NCOA1: variants seen among roughly 807,000 people sequenced by gnomAD.
NCOA1 encodes nuclear receptor coactivator 1.
In NCOA1, 35 loss-of-function variants were observed where a neutral mutation model predicts 150.9. That is an observed-to-expected ratio of 0.23 (90% CI 0.18 to 0.31). The LOEUF (loss-of-function observed/expected upper bound fraction) is 0.31. NCOA1 is among the 10% of genes least tolerant of loss of function. The pLI is 1.00. For missense variants in NCOA1, 1,491 were observed against 1,749.3 expected, an observed-to-expected ratio of 0.85 and a Z score of 2.63; for synonymous variants, 590 against 630.0, an observed-to-expected ratio of 0.94 and a Z score of 0.95.
Position 24,683,088 on chromosome 2 carries a change from T to C in NCOA1, c.492T>C (p.Asp164=). 1.3e-6 allele frequency: 2 copies of C among 1,579,404 alleles called. No homozygotes were observed. Among genetic ancestry groups the C allele is most frequent in the South Asian group, 1.2e-5 (1 of 83,456 alleles). The change falls in exon 8 of 23, where the codon GAT becomes GAC. Residue 164 remains aspartate, a synonymous_variant. Coordinates refer to ENST00000348332, the MANE Select transcript of NCOA1 (RefSeq NM_003743.5). ...TCTACAGCATACTGCACGTGGGGGA[T>C]CATGCAGAATTTGTGAAGAATCTGC... ...TSVYSILHVG[D]HAEFVKNLLP...
chr2:24,551,473 T>A (rs1220390342), intron 1 of NCOA1, among the ~76,000 whole-genome samples: 1 of 151,546 alleles, frequency 6.6e-6, no homozygotes, highest in African/African-American at 2.4e-5. Flanking sequence ...TAAAGTGTTA[T>A]TTTTTTTTCT....
In NCOA1 at chr2:24,549,342, C is replaced by T. The variant is rs546156836; in HGVS notation, c.-395-14953C>T. Among the ~76,000 whole-genome samples, 3 of 152,244 alleles carry T rather than the reference C, an allele frequency of 2.0e-5. No homozygotes were observed. In the South Asian group the frequency reaches 6.2e-4, roughly 32 times the overall value. On this transcript the variant is annotated intron_variant, in intron 1 of 22. Transcript: ENST00000348332. ...TATAGCAGAGGGACCCTGGGCCTGG[C>T]CCGCAAAACCATTTTTTCCTCCTAA...
At position 24,552,353 on chromosome 2, in the gene NCOA1, A is replaced by AT. The variant is rs869212842; in HGVS notation, c.-395-11911dup. ...TATATATATATATATATATATATAT[A>AT]TTTTTTTTTTTTTTTTTTTTTTTTT... On this transcript the variant is annotated intron_variant, in intron 1 of 22. Transcript: ENST00000348332. Among the ~76,000 whole-genome samples, 4 of 38,350 alleles carry AT rather than the reference A, an allele frequency of 1.0e-4. 1 individual carries two copies. Among genetic ancestry groups the AT allele is most frequent in the African/African-American group, 2.6e-4 (2 of 7,798 alleles). The allele number at this position is 38,350 out of a possible 152,430, so 25.2% of individuals were successfully genotyped here. A position where few individuals can be genotyped will look rare whatever the true frequency, so the allele number is the denominator to read the frequency against.
intron 1 of NCOA1, among the ~76,000 whole-genome samples, chr2:24,526,961 A>C (rs1011737575): frequency 6.6e-6 from 1 of 152,210 alleles, no homozygotes; most frequent in African/African-American, 2.4e-5. Flanking sequence ...TCTTGAGGTT[A>C]TTTCAAGTAT....
rs951636531 is a variant in NCOA1 at position 24,735,588 on chromosome 2, T to C, written c.3202-3844T>C. On this transcript the variant is annotated intron_variant, in intron 17 of 22. Coordinates refer to ENST00000348332, the MANE Select transcript of NCOA1 (RefSeq NM_003743.5). ...TGAGTATATCTCACTGGCTGGTATA[T>C]ACTTTTTACTCCTTGTGTAAAGGAG... Among the ~76,000 whole-genome samples the C allele has an allele frequency of 3.3e-5, 5 of 152,116 alleles. No homozygotes were observed. In the East Asian group the frequency reaches 5.8e-4, roughly 18 times the overall value.
At chr2:24,596,353 A>T (rs976412790) in intron 3 of NCOA1, among the ~76,000 whole-genome samples, 1 of 152,202 alleles carries the variant, frequency 6.6e-6, no homozygotes, top group Non-Finnish European at 1.5e-5. Context: ...TTTTCTGATT[A>T]CTTAACCTGA....
intron 1 of NCOA1, among the ~76,000 whole-genome samples, chr2:24,530,983 G>A (rs1426311289): frequency 6.6e-6 from 1 of 152,198 alleles, no homozygotes; most frequent in East Asian, 1.9e-4. Flanking sequence ...TAAAGTGCAA[G>A]ATTACCTAGA....
At chr2:24,685,757 G>A (rs1672369681) in intron 8 of NCOA1, among the ~76,000 whole-genome samples, 1 of 152,072 alleles carries the variant, frequency 6.6e-6, no homozygotes, top group African/African-American at 2.4e-5. Flanking sequence ...TGTTTTAGCT[G>A]TTATTATTCC....
At chr2:24,613,820 T>C (rs1223821721) in intron 3 of NCOA1, among the ~76,000 whole-genome samples, 1 of 152,076 alleles carries the variant, frequency 6.6e-6, no homozygotes, top group Non-Finnish European at 1.5e-5. Context: ...GGTGAATGGG[T>C]GCTCCAGTTA....
intron 18 of NCOA1, among the ~76,000 whole-genome samples, chr2:24,740,282 A>T (rs752159307): frequency 6.6e-6 from 1 of 152,176 alleles, no homozygotes; most frequent in Non-Finnish European, 1.5e-5. Context: ...AAAGACAGGG[A>T]TATGTTCTGA....
intron 22 of NCOA1, among the ~76,000 whole-genome samples, chr2:24,766,793 C>T (rs975627978): frequency 6.6e-6 from 1 of 152,030 alleles, no homozygotes; most frequent in African/African-American, 2.4e-5. Context: ...TGAGACGTTA[C>T]AGACCACAAA....
chr2:24,501,618 T>G (rs1304418064), intron 1 of NCOA1, among the ~76,000 whole-genome samples: 2 of 152,232 alleles, frequency 1.3e-5, no homozygotes, highest in East Asian at 3.8e-4. Context: ...TGGCTTCCTA[T>G]TCATAAACTT....
chr2:24,673,966 AT>A (rs1279628421), intron 7 of NCOA1, among the ~76,000 whole-genome samples: 1 of 152,206 alleles, frequency 6.6e-6, no homozygotes, highest in African/African-American at 2.4e-5. Flanking sequence ...GAACTTTTAA[AT>A]TTGAATGGCT....
chr2:24,510,444 T>A (rs58858986), intron 1 of NCOA1, among the ~76,000 whole-genome samples: 1 of 152,264 alleles, frequency 6.6e-6, no homozygotes, highest in African/African-American at 2.4e-5. Context: ...ACTCCTGGGC[T>A]CAAGTGACCC....
intron 14 of NCOA1, among the ~76,000 whole-genome samples, chr2:24,725,723 G>A (rs1276655347): frequency 3.9e-5 from 1 of 25,814 alleles, no homozygotes; most frequent in Non-Finnish European, 1.3e-4. Flanking sequence ...GCGTGTGTGT[G>A]TGTGTGTGTG....
chr2:24,498,813 A>G (rs1663333547), intron 1 of NCOA1, among the ~76,000 whole-genome samples: 1 of 152,192 alleles, frequency 6.6e-6, no homozygotes, highest in African/African-American at 2.4e-5. Flanking sequence ...TTCCAAATTT[A>G]CGTGGATCTT....
chr2:24,513,041 C>G (rs1355287701), intron 1 of NCOA1, among the ~76,000 whole-genome samples: 1 of 152,182 alleles, frequency 6.6e-6, no homozygotes, highest in Non-Finnish European at 1.5e-5. Context: ...TACTTCTTTG[C>G]TGGCCTTACT....
intron 3 of NCOA1, among the ~76,000 whole-genome samples, chr2:24,603,242 G>A (rs1302457440): frequency 6.6e-6 from 1 of 152,154 alleles, no homozygotes; most frequent in Non-Finnish European, 1.5e-5. Context: ...ACGATTATGT[G>A]AACTTTCAGT....
intron 20 of NCOA1, among the ~76,000 whole-genome samples, chr2:24,753,833 T>G (rs997375638): frequency 6.6e-6 from 1 of 152,136 alleles, no homozygotes. Context: ...GACTCCCAAA[T>G]TTAAACCTCC....
Sources: gnomAD v4.1 joint callset for allele counts (sites outside exome capture counted in the v4.1 genomes callset) on GRCh38, gnomAD v4.1.1 for gene constraint, MANE v1.5 for transcripts, NCBI Gene and HGNC (gene_info 2026-07-23, HGNC 2026-07-21) for gene names.